Variants in FRMD6 observed in about 807,000 individuals in gnomAD.
The protein encoded by FRMD6 is FERM domain-containing protein 6.
A neutral mutation model predicts 73.2 loss-of-function variants in FRMD6; 37 were observed. That is an observed-to-expected ratio of 0.51 (90% CI 0.39 to 0.66). The LOEUF is 0.66. Among genes scored for constraint, FRMD6 ranks in the 30% least tolerant of loss-of-function variants. The pLI, the probability that FRMD6 is intolerant of heterozygous loss-of-function variation, is 0.00. For synonymous variants in FRMD6, 273 were observed against 282.2 expected (o/e 0.97, Z 0.33); for missense variants, 714 against 780.5 (o/e 0.91, Z 1.02).
At chr14:51,417,682 A>G in the FRMD6 span, among the ~76,000 whole-genome samples, 6 of 152,076 alleles carry the variant, frequency 3.9e-5, no homozygotes, top group Non-Finnish European at 7.4e-5. Context: ...TATTTCCTGA[A>G]TTTGAATGTT....
At chr14:51,587,250 T>C (rs948527104) in intron 2 of FRMD6, among the ~76,000 whole-genome samples, 3 of 152,172 alleles carry the variant, frequency 2.0e-5, no homozygotes, top group Non-Finnish European at 4.4e-5. Flanking sequence ...GTTCCATTGA[T>C]CTATGTGTCT....
the FRMD6 span, among the ~76,000 whole-genome samples, chr14:51,459,205 G>T: frequency 2.6e-5 from 4 of 152,112 alleles, no homozygotes; most frequent in East Asian, 7.7e-4. Context: ...CTCTGACAAG[G>T]TCTCATGCTG....
At chr14:51,580,947 C>A (rs1379079410) in intron 2 of FRMD6, among the ~76,000 whole-genome samples, 1 of 152,152 alleles carries the variant, frequency 6.6e-6, no homozygotes, top group Non-Finnish European at 1.5e-5. Flanking sequence ...TTCTTTATAT[C>A]CCTAAATTAA....
chr14:51,482,446 G>T, the FRMD6 span, among the ~76,000 whole-genome samples: 1 of 152,206 alleles, frequency 6.6e-6, no homozygotes, highest in African/African-American at 2.4e-5. Flanking sequence ...GAGGAGTCTG[G>T]AAGAAGTGCT....
intron 2 of FRMD6, among the ~76,000 whole-genome samples, chr14:51,594,039 G>A (rs577470543): frequency 1.1e-4 from 16 of 152,156 alleles, no homozygotes; most frequent in Non-Finnish European, 2.4e-4. Context: ...GAATGCCACA[G>A]TGAATTACTG....
intron 2 of FRMD6, among the ~76,000 whole-genome samples, chr14:51,576,622 C>G (rs1888419629): frequency 6.6e-6 from 1 of 152,198 alleles, no homozygotes; most frequent in Non-Finnish European, 1.5e-5. Context: ...CCCCTAAGCT[C>G]ACGTTCTTCA....
chr14:51,428,487 A>T, the FRMD6 span, among the ~76,000 whole-genome samples: 1 of 152,210 alleles, frequency 6.6e-6, no homozygotes, highest in Non-Finnish European at 1.5e-5. Context: ...AAGTCTTCAG[A>T]TGAAGAGGAA....
chr14:51,576,667 C>T (rs534737497), intron 2 of FRMD6, among the ~76,000 whole-genome samples: 27 of 152,252 alleles, frequency 1.8e-4, no homozygotes, highest in African/African-American at 6.5e-4. Flanking sequence ...TATCCCTTGA[C>T]CCATTCTTCA....
At chr14:51,693,225 C>T (rs1432595307) in intron 2 of FRMD6, among the ~76,000 whole-genome samples, 1 of 152,148 alleles carries the variant, frequency 6.6e-6, no homozygotes, top group Non-Finnish European at 1.5e-5. Context: ...AATACTTACG[C>T]TGCAGGGTGA....
the FRMD6 span, among the ~76,000 whole-genome samples, chr14:51,409,555 A>T: frequency 6.6e-6 from 1 of 152,166 alleles, no homozygotes; most frequent in Admixed American, 6.6e-5. Flanking sequence ...GCAAATGCCC[A>T]TGCTTAAAAG....
chr14:51,590,518 G>T lies in FRMD6; in HGVS notation c.-147+20108G>T, dbSNP rs183887080. On this transcript the variant is annotated intron_variant, in intron 2 of 14. Coordinates refer to the FRMD6 transcript ENST00000356218. ...GACTCCCTAATAGCTGAAGGATCTG[G>T]TTTATGCAACAGCATTTCTCTGTCA... Among the ~76,000 whole-genome samples, 7 of 152,198 alleles carry T rather than the reference G, an allele frequency of 4.6e-5. No homozygotes were observed. The East Asian group carries it at 1.2e-3, about 25-fold the overall frequency.
chr14:51,585,529 G>A (rs1028863890), intron 2 of FRMD6, among the ~76,000 whole-genome samples: 2 of 152,128 alleles, frequency 1.3e-5, no homozygotes, highest in African/African-American at 4.8e-5. Flanking sequence ...GACCTGAGAG[G>A]CAGCTGAACC....
At chr14:51,685,785 G>C (rs758687024) in intron 1 of FRMD6, among the ~76,000 whole-genome samples, 11 of 151,552 alleles carry the variant, frequency 7.3e-5, no homozygotes, top group Non-Finnish European at 1.6e-4. Context: ...TCCTTAACTA[G>C]ATGGTGAACT....
intron 1 of FRMD6, among the ~76,000 whole-genome samples, chr14:51,510,118 A>G (rs1884214295): frequency 6.6e-6 from 1 of 152,324 alleles, no homozygotes; most frequent in South Asian, 2.1e-4. Flanking sequence ...TCTTGTTGCC[A>G]TGGAGGGAGG....
At chr14:51,592,183 A>G (rs1889437827) in intron 2 of FRMD6, among the ~76,000 whole-genome samples, 1 of 152,212 alleles carries the variant, frequency 6.6e-6, no homozygotes, top group Non-Finnish European at 1.5e-5. Flanking sequence ...CAGAGAGGAA[A>G]TTGTGATTTA....
the FRMD6 span, among the ~76,000 whole-genome samples, chr14:51,479,707 G>A: frequency 6.6e-6 from 1 of 152,226 alleles, no homozygotes; most frequent in South Asian, 2.1e-4. Context: ...AGAAGTGAAA[G>A]CTGGCTGCTG....
intron 2 of FRMD6, among the ~76,000 whole-genome samples, chr14:51,639,301 G>C (rs1369533588): frequency 6.6e-6 from 1 of 152,032 alleles, no homozygotes; most frequent in Non-Finnish European, 1.5e-5. Flanking sequence ...CGGGCGTCGT[G>C]GCAGGCGCCT....
At chr14:51,511,120 A>G (rs750074983) in intron 1 of FRMD6, among the ~76,000 whole-genome samples, 4 of 152,168 alleles carry the variant, frequency 2.6e-5, no homozygotes, top group Admixed American at 2.0e-4. Flanking sequence ...CCCAGTGGCT[A>G]TTACTAGATA....
intron 2 of FRMD6, among the ~76,000 whole-genome samples, chr14:51,585,939 G>GTATATATATATATATATATATATATA (rs3060587): frequency 3.2e-4 from 10 of 31,384 alleles, no homozygotes; most frequent in African/African-American, 6.2e-4. Context: ...GTGTGTGTGT[G>GTATATATATATATATATATATATATA]TATATATATA....
Sources: allele counts gnomAD v4.1 joint callset (sites outside exome capture counted in the v4.1 genomes callset), GRCh38; gene constraint gnomAD v4.1.1; transcripts MANE v1.5; gene names NCBI Gene and HGNC (gene_info 2026-07-23, HGNC 2026-07-21).